FSTL5: variants seen among roughly 807,000 people sequenced by gnomAD.
FSTL5 encodes the protein follistatin like 5.
FSTL5 carries 62 observed loss-of-function variants against 89.1 expected under a neutral mutation model. That is an observed-to-expected ratio of 0.70 (90% CI 0.57 to 0.86). The LOEUF (loss-of-function observed/expected upper bound fraction) is 0.86, where lower values mean the gene tolerates loss of function less well. Among genes scored for constraint, FSTL5 ranks in the 40% least tolerant of loss-of-function variants. The pLI is 0.00. For missense variants in FSTL5, 1,057 were observed against 1,001.6 expected, an observed-to-expected ratio of 1.06 and a Z score of -0.75; for synonymous variants, 383 against 346.2, an observed-to-expected ratio of 1.11 and a Z score of -1.18.
chr4:161,855,003 GTTTTT>G (rs1221548568), intron 4 of FSTL5, among the ~76,000 whole-genome samples: 1 of 16,134 alleles, frequency 6.2e-5, no homozygotes, highest in Non-Finnish European at 1.8e-4. Flanking sequence ...TGGTTGAGAG[GTTTTT>G]TTTTTTTTTT....
intron 8 of FSTL5, among the ~76,000 whole-genome samples, chr4:161,563,851 A>T (rs1732698770): frequency 6.6e-6 from 1 of 152,024 alleles, no homozygotes; most frequent in South Asian, 2.1e-4. Context: ...AGAAGTGCCA[A>T]CCTGTTTTGA....
chr4:161,542,804 C>T (rs186964058), intron 8 of FSTL5, 111 bp from the exon 9 acceptor site: 56 of 547,476 alleles, frequency 1.0e-4, no homozygotes, highest in African/African-American at 9.0e-4. Flanking sequence ...TTTAATGATG[C>T]TATACGTTTC....
intron 4 of FSTL5, among the ~76,000 whole-genome samples, chr4:161,847,383 T>C (rs1731403267): frequency 6.6e-6 from 1 of 152,186 alleles, no homozygotes; most frequent in South Asian, 2.1e-4. Flanking sequence ...AAACCATTAC[T>C]ATCCCTATTT....
intron 7 of FSTL5, among the ~76,000 whole-genome samples, chr4:161,614,435 A>C (rs1734768792): frequency 6.6e-6 from 1 of 152,214 alleles, no homozygotes; most frequent in South Asian, 2.1e-4. Context: ...ACTGCCTGTC[A>C]CAAAACAGGC....
chr4:161,726,908 A>AT (rs1739442112), intron 6 of FSTL5, among the ~76,000 whole-genome samples: 1 of 92,984 alleles, frequency 1.1e-5, no homozygotes, highest in Non-Finnish European at 3.0e-5. Flanking sequence ...GAGCAAAAAA[A>AT]AAAAATATAT....
intron 10 of FSTL5, among the ~76,000 whole-genome samples, chr4:161,515,547 T>C (rs1730793234): frequency 6.6e-6 from 1 of 151,176 alleles, no homozygotes. Context: ...AATGCCTACA[T>C]ATATGGAAAT....
intron 8 of FSTL5, among the ~76,000 whole-genome samples, chr4:161,569,758 AACACACACAC>A (rs56387876): frequency 0.18 from 24,210 of 134,208 alleles, 2,130 homozygotes; most frequent in East Asian, 0.39. Context: ...CCAACACACA[AACACACACAC>A]ACACACACAC....
chr4:161,735,706 T>A (rs78201565), intron 6 of FSTL5, among the ~76,000 whole-genome samples: 2,312 of 152,232 alleles, frequency 0.015, 54 homozygotes, highest in South Asian at 0.07. Flanking sequence ...TAAAAAAATT[T>A]GAGGATATTT....
At chr4:162,123,555 T>C (rs865904408) in intron 1 of FSTL5, among the ~76,000 whole-genome samples, 1 of 152,134 alleles carries the variant, frequency 6.6e-6, no homozygotes, top group South Asian at 2.1e-4. Context: ...GAGTAAACTA[T>C]CCTTGTAGAT....
At position 161,384,652 on chromosome 4, in the gene FSTL5, A is replaced by C. The variant is rs1188079439; in HGVS notation, c.*1095T>G. 6.6e-6 allele frequency: 1 copy of C among 152,138 alleles called. No individual in the cohort carries two copies. The highest frequency in any genetic ancestry group is 2.4e-5 in the African/African-American group (1 of 41,444). 9.4% of individuals were successfully genotyped at this position (152,138 alleles called of 1,614,324 possible). A position where few individuals can be genotyped will look rare whatever the true frequency, so the allele number is the denominator to read the frequency against. ...TGATACATTATATTTAAATAGCAAA[A>C]ACAATGGAGTACTACATTTTTACTT... On this transcript the variant is annotated 3_prime_UTR_variant, in exon 16 of 16. Transcript: ENST00000306100.
At chr4:161,826,018 G>A (rs1730656123) in intron 4 of FSTL5, among the ~76,000 whole-genome samples, 1 of 152,050 alleles carries the variant, frequency 6.6e-6, no homozygotes, top group Non-Finnish European at 1.5e-5. Context: ...TGCATTTAAA[G>A]CTGTGAACTT....
intron 3 of FSTL5, among the ~76,000 whole-genome samples, chr4:161,976,041 T>C (rs1735634170): frequency 1.4e-5 from 2 of 143,202 alleles, no homozygotes; most frequent in South Asian, 2.2e-4. Flanking sequence ...TCGCGTGAAC[T>C]CGGCAGGCGG....
chr4:161,866,581 G>A (rs1437059304), intron 4 of FSTL5, among the ~76,000 whole-genome samples: 1 of 147,656 alleles, frequency 6.8e-6, no homozygotes, highest in African/African-American at 2.5e-5. Flanking sequence ...TTTAAGATAG[G>A]GACTGAATCT....
intron 15 of FSTL5, among the ~76,000 whole-genome samples, chr4:161,438,961 G>GT (rs557713642): frequency 0.1 from 15,260 of 145,602 alleles, 771 homozygotes; most frequent in Middle Eastern, 0.13. Context: ...GATGATTATA[G>GT]TTTTTTTTTT....
At chr4:161,402,496 T>C (rs990210698) in intron 15 of FSTL5, among the ~76,000 whole-genome samples, 2 of 152,150 alleles carry the variant, frequency 1.3e-5, no homozygotes, top group Non-Finnish European at 2.9e-5. Context: ...ATAACTCCTT[T>C]TGCTTTGAGT....
chr4:161,959,245 T>C lies in FSTL5; in HGVS notation c.161-38593A>G, dbSNP rs534940241. ...TAAAAGGTGACAAGAACATTTATTG[T>C]GTTACGATGAGCAAAATTTTATAAC... On this transcript the variant is annotated intron_variant, in intron 3 of 15. Coordinates refer to ENST00000306100, the MANE Select transcript of FSTL5 (RefSeq NM_020116.5). Among the ~76,000 whole-genome samples the C allele has an allele frequency of 2.0e-5, 3 of 152,286 alleles. No individual in the cohort carries two copies. The South Asian group carries it at 6.2e-4, about 32-fold the overall frequency.
intron 4 of FSTL5, among the ~76,000 whole-genome samples, chr4:161,858,932 A>T (rs1731813231): frequency 2.0e-5 from 3 of 152,160 alleles, no homozygotes; most frequent in African/African-American, 7.2e-5. Flanking sequence ...CTGGGAAAAA[A>T]AAATCTCATA....
intron 8 of FSTL5, among the ~76,000 whole-genome samples, chr4:161,583,714 A>T (rs1733511388): frequency 6.6e-6 from 1 of 152,188 alleles, no homozygotes; most frequent in South Asian, 2.1e-4. Context: ...AGCAAACCTT[A>T]GTGGTCCACA....
At chr4:161,890,878 C>A (rs549969479) in intron 4 of FSTL5, among the ~76,000 whole-genome samples, 1 of 152,170 alleles carries the variant, frequency 6.6e-6, no homozygotes, top group Non-Finnish European at 1.5e-5. Context: ...ATCTCTTTCT[C>A]CCCATGTGCC....
Sources: allele counts gnomAD v4.1 joint callset (sites outside exome capture counted in the v4.1 genomes callset), GRCh38; gene constraint gnomAD v4.1.1; transcripts MANE v1.5; gene names NCBI Gene and HGNC (gene_info 2026-07-23, HGNC 2026-07-21).